Variants in FOCAD observed in about 807,000 individuals in gnomAD.
FOCAD encodes the protein KIAA1797.
A neutral mutation model predicts 225.6 loss-of-function variants in FOCAD; 198 were observed. The observed-to-expected ratio is 0.88, with a 90% CI of 0.78 to 0.99. The LOEUF (loss-of-function observed/expected upper bound fraction) is 0.99, where lower values mean the gene tolerates loss of function less well. Among genes scored for constraint, FOCAD ranks in the 50% least tolerant of loss-of-function variants. The pLI is 0.00. For synonymous variants in FOCAD, 897 were observed against 755.0 expected, an observed-to-expected ratio of 1.19 and a Z score of -3.08; for missense variants, 2,713 against 2,123.6, an observed-to-expected ratio of 1.28 and a Z score of -5.46.
Position 20,912,892 on chromosome 9 carries a change from G to A in FOCAD, c.2745G>A (p.Gln915=), listed in dbSNP as rs1351029130. 1.2e-6 allele frequency: 2 copies of A among 1,613,228 alleles called. No homozygotes were observed. Among genetic ancestry groups the A allele is most frequent in the Non-Finnish European group, 1.7e-6 (2 of 1,179,574 alleles). The change falls in exon 23 of 44, where the codon CAG becomes CAA. Residue 915 remains glutamine (Q), a synonymous_variant. Transcript: ENST00000338382. Reference sequence around the variant, plus strand: ...GAAGACTAGGAGAGCTGGAGTTGCAGTTAAAACATGGAAAAGAAGAACCTG... The same window carrying A: ...GAAGACTAGGAGAGCTGGAGTTGCAATTAAAACATGGAAAAGAAGAACCTG... ...LQGRLGELEL[Q]LKHGKEEPEE...
chr9:20,911,464 C>T (rs1564141352), intron 22 of FOCAD, among the ~76,000 whole-genome samples: 1 of 152,026 alleles, frequency 6.6e-6, no homozygotes, highest in African/African-American at 2.4e-5. Flanking sequence ...TTTTTGGGAC[C>T]TCTTACTCCA....
intron 15 of FOCAD, among the ~76,000 whole-genome samples, chr9:20,849,704 C>G (rs1351590327): frequency 6.6e-6 from 1 of 151,908 alleles, no homozygotes; most frequent in African/African-American, 2.4e-5. Flanking sequence ...AAGGGATAGG[C>G]AGCCATGTTA....
chr9:20,666,633 A>T (rs1821906822), intron 2 of FOCAD, among the ~76,000 whole-genome samples: 1 of 152,204 alleles, frequency 6.6e-6, no homozygotes, highest in Non-Finnish European at 1.5e-5. Flanking sequence ...TTTGGAATGA[A>T]GTTTCCAATT....
At chr9:20,807,973 C>T (rs181307767) in intron 11 of FOCAD, among the ~76,000 whole-genome samples, 56 of 152,050 alleles carry the variant, frequency 3.7e-4, no homozygotes, top group African/African-American at 1.3e-3. Context: ...ATCGCTTGAA[C>T]CCAGGAGGCC....
rs1040269486 is a variant in FOCAD at position 20,671,527 on chromosome 9, G to A, written c.-78+12701G>A. 2.0e-5 allele frequency among the ~76,000 whole-genome samples: 3 copies of A among 152,054 alleles called. No homozygotes were observed. The South Asian group carries it at 6.2e-4, about 31-fold the overall frequency. ...GAGAGCAGAATATCTGTGTGTATAT[G>A]GTGACTGTTCAGTTTCCACCTATTG... On this transcript the variant is annotated intron_variant, in intron 2 of 45. Coordinates refer to the FOCAD transcript ENST00000380249.
intron 5 of FOCAD, among the ~76,000 whole-genome samples, chr9:20,750,139 T>G (rs1828416357): frequency 6.6e-6 from 1 of 152,172 alleles, no homozygotes. Context: ...CTAGAGGGAC[T>G]GTGTTAAATT....
intron 35 of FOCAD, among the ~76,000 whole-genome samples, chr9:20,955,728 CTGACTTT>C (rs1838079981): frequency 6.6e-6 from 1 of 152,108 alleles, no homozygotes; most frequent in Non-Finnish European, 1.5e-5. Context: ...TGAAGAACCT[CTGACTTT>C]TGACTTTTAC....
chr9:20,745,287 G>T (rs561415082), intron 5 of FOCAD, among the ~76,000 whole-genome samples: 1 of 151,678 alleles, frequency 6.6e-6, no homozygotes, highest in Non-Finnish European at 1.5e-5. Flanking sequence ...TTTTGTAGAG[G>T]CAGGGTTGTC....
At chr9:20,948,979 T>G in intron 32 of FOCAD, 51 bp downstream of exon 32, 1 of 1,521,260 alleles carries the variant, frequency 6.6e-7, no homozygotes, top group Non-Finnish European at 9.1e-7. Flanking sequence ...TACATAGCCA[T>G]AGCGGGAGAA....
chr9:20,929,298 A>G, intron 26 of FOCAD, 60 bp from the exon 27 acceptor site: 9 of 1,317,860 alleles, frequency 6.8e-6, no homozygotes, highest in Non-Finnish European at 9.8e-6. Flanking sequence ...TGCTTTTATG[A>G]TAGGTATGCT....
chr9:20,674,477 G>T (rs1341188222), intron 2 of FOCAD, among the ~76,000 whole-genome samples: 4 of 152,024 alleles, frequency 2.6e-5, no homozygotes, highest in Non-Finnish European at 4.4e-5. Context: ...GGACAATTAG[G>T]CCTGGATATT....
rs541176407 is a variant in FOCAD at position 20,924,476 on chromosome 9, G to A, written c.2961+708G>A. 1.3e-4 allele frequency among the ~76,000 whole-genome samples: 20 copies of A among 152,128 alleles called. No homozygotes were observed. In the South Asian group the frequency reaches 4.2e-3, roughly 32 times the overall value. On this transcript the variant is annotated intron_variant, in intron 25 of 43. Coordinates refer to ENST00000338382, the MANE Select transcript of FOCAD (RefSeq NM_001375567.1). Reference sequence around the variant, plus strand: ...CTATTTCTCCATCTGTAAAATGGAGGGATAACAATGCTCACCAGATAGGAT... The same window carrying A: ...CTATTTCTCCATCTGTAAAATGGAGAGATAACAATGCTCACCAGATAGGAT...
chr9:20,881,747 T>C (rs1275180350), intron 19 of FOCAD, 124 bp from the exon 20 acceptor site: 5 of 936,744 alleles, frequency 5.3e-6, no homozygotes, highest in Non-Finnish European at 8.1e-6. Flanking sequence ...AAGAGGTCTC[T>C]TTTTACCATG....
intron 1 of FOCAD, among the ~76,000 whole-genome samples, chr9:20,702,293 G>A (rs1250959971): frequency 6.6e-6 from 1 of 151,906 alleles, no homozygotes. Context: ...TTGTAGAGAT[G>A]GGGTATCACT....
In FOCAD at chr9:20,951,021, G is replaced by T; in HGVS notation, c.3974G>T (p.Gly1325Val). The part of the protein sequence containing the change: ...TQVISVSGVI[G>V]LQSNAVWLLG... The stretch of plus-strand genomic sequence containing the variant: ...GTCATTAGTGTCTCTGGGGTGATTG[G>T]TCTCCAGTCAAATGCAGTCTGGCTT... Residue 1325 changes from glycine (G) to valine (V), a missense_variant, in exon 34 of 44, where the codon GGT becomes GTT. Physicochemically the swap from Gly to Val is moderately radical, Grantham distance 109. Transcript: ENST00000338382. 3 of 1,613,444 alleles carry T rather than the reference G, an allele frequency of 1.9e-6. No individual in the cohort carries two copies. Among genetic ancestry groups the T allele is most frequent in the Non-Finnish European group, 2.5e-6 (3 of 1,179,530 alleles).
chr9:20,801,947 A>G (rs1821887206), intron 11 of FOCAD, among the ~76,000 whole-genome samples: 1 of 152,166 alleles, frequency 6.6e-6, no homozygotes, highest in Non-Finnish European at 1.5e-5. Context: ...TTGAGCACAC[A>G]GTGCTTCTAC....
At chr9:20,953,290 C>A (rs1169577397) in intron 35 of FOCAD, among the ~76,000 whole-genome samples, 2 of 152,180 alleles carry the variant, frequency 1.3e-5, no homozygotes, top group African/African-American at 4.8e-5. Context: ...CTGTCTCCGA[C>A]CATGGGTGGC....
chr9:20,907,723 T>G (rs1833099118), intron 22 of FOCAD, among the ~76,000 whole-genome samples: 1 of 152,090 alleles, frequency 6.6e-6, no homozygotes, highest in Non-Finnish European at 1.5e-5. Context: ...CACACTATTC[T>G]TTCTGTCTCT....
chr9:20,943,911 T>A lies in FOCAD; in HGVS notation c.3408-716T>A, dbSNP rs538401679. Among the ~76,000 whole-genome samples, 12 of 152,364 alleles carry A rather than the reference T, an allele frequency of 7.9e-5. No homozygotes were observed. In the South Asian group the frequency reaches 2.3e-3, roughly 29 times the overall value. ...TGAGAGAACAATTATTTTCTTTAAATGGATATGTATTCATTCAGGAGAATT... is the reference window on the plus strand; with the variant it reads ...TGAGAGAACAATTATTTTCTTTAAAAGGATATGTATTCATTCAGGAGAATT... On this transcript the variant is annotated intron_variant, in intron 28 of 43. Coordinates refer to ENST00000338382, the MANE Select transcript of FOCAD (RefSeq NM_001375567.1).
Sources: gnomAD v4.1 joint callset for allele counts (sites outside exome capture counted in the v4.1 genomes callset) on GRCh38, gnomAD v4.1.1 for gene constraint, MANE v1.5 for transcripts, NCBI Gene and HGNC (gene_info 2026-07-23, HGNC 2026-07-21) for gene names.